Variants in POU2F2 observed in about 807,000 individuals in gnomAD.
POU2F2 encodes the protein POU class 2 homeobox 2, also known as POU domain, class 2, transcription factor 2.
In POU2F2, 14 loss-of-function variants were observed where a neutral mutation model predicts 63.5. The ratio of observed to expected loss-of-function variants is 0.22; its 90% CI spans 0.15 to 0.34. POU2F2 has a LOEUF of 0.34. POU2F2 is among the 10% of genes least tolerant of loss of function. POU2F2 has a pLI of 1.00. For synonymous variants in POU2F2, 306 were observed against 348.6 expected (o/e 0.88, Z 1.36); for missense variants, 607 against 815.2 (o/e 0.74, Z 3.11).
At chr19:42,136,665 CT>C (rs1466321024), upstream of POU2F2, 4 of 152,368 alleles carry the variant, frequency 2.6e-5, no homozygotes, top group East Asian at 7.7e-4. Context: ...GTCTGTCCCC[CT>C]GACAGCTTGA....
chr19:42,097,589 C>G (rs1458744182), intron 7 of POU2F2, among the ~76,000 whole-genome samples: 1 of 151,574 alleles, frequency 6.6e-6, no homozygotes. Context: ...GTGGGAGGAT[C>G]GCTTGAGCAC....
chr19:42,092,190 G>A lies in POU2F2; in HGVS notation c.1345C>T (p.Pro449Ser), dbSNP rs745709486. The change falls in exon 13 of 15, where the codon CCC becomes TCC. Residue 449 changes from proline to serine, a missense_variant. Pro to Ser is a moderately conservative substitution (Grantham distance 74). Coordinates refer to ENST00000692977, the MANE Select transcript of POU2F2 (RefSeq NM_001394376.1). This position sits in a 1 kb window ranked among gnomAD's most constrained non-coding sequence, Gnocchi z 5.0. ...ACAGAGGGGATGGAATTGAGGGGGG[G>A]CGCAGCCCCGCCCCCGCCCCCACCC... ...GGGGGGGGAA[P>S]PLNSIPSVTP... 1.3e-6 allele frequency: 2 copies of A among 1,536,008 alleles called. No individual in the cohort carries two copies. The highest frequency in any genetic ancestry group is 1.2e-5 in the South Asian group (1 of 82,568).
In POU2F2 at chr19:42,095,673, T is replaced by C; in HGVS notation, c.892A>G (p.Ser298Gly). 6.2e-7 allele frequency: 1 copy of C among 1,612,134 alleles called. No individual in the cohort carries two copies. The highest frequency in any genetic ancestry group is 8.5e-7 in the Non-Finnish European group (1 of 1,179,816). ...CTCAGCTGGTTGGGGCTGGGCAGGC[T>C]TGAGTCCACAGACATAGTCTCTGTG... is the stretch of plus-strand genomic sequence containing the variant. ...NDAETMSVDS[S>G]LPSPNQLSSP... The change falls in exon 10 of 15, where the codon AGC (serine) becomes GGC (glycine). Residue 298 changes from serine (S) to glycine (G), a missense_variant. Ser to Gly is a moderately conservative substitution (Grantham distance 56). Coordinates refer to ENST00000692977, the MANE Select transcript of POU2F2 (RefSeq NM_001394376.1). The surrounding 1 kb of genome is among the most constrained non-coding windows in gnomAD (Gnocchi z 7.1).
At chr19:42,189,706 G>A (rs754994951) in intron 1 of POU2F2, among the ~76,000 whole-genome samples, 11 of 152,142 alleles carry the variant, frequency 7.2e-5, no homozygotes, top group Non-Finnish European at 1.6e-4. Flanking sequence ...GAGGAAGGTA[G>A]AGGTTTTTTT....
chr19:42,165,477 G>T (rs1360692428), intron 1 of POU2F2, among the ~76,000 whole-genome samples: 1 of 152,208 alleles, frequency 6.6e-6, no homozygotes, highest in East Asian at 1.9e-4. Context: ...AGAAGCTGGG[G>T]ATCTGGGCTC....
chr19:42,116,825 T>G, intron 5 of POU2F2: 2 of 385,016 alleles, frequency 5.2e-6, no homozygotes, highest in Admixed American at 3.2e-5. Context: ...GGCTGTGAGG[T>G]CGAGGAGGAG....
intron 1 of POU2F2, among the ~76,000 whole-genome samples, chr19:42,186,914 T>C (rs2035018543): frequency 6.6e-6 from 1 of 152,240 alleles, no homozygotes; most frequent in South Asian, 2.1e-4. Context: ...CAAAGTTCTT[T>C]CTTGAACCTC....
chr19:42,092,330 C>T lies in POU2F2; in HGVS notation c.1265-60G>A, dbSNP rs2076754505. 7.5e-7 allele frequency: 1 copy of T among 1,326,744 alleles called. No homozygotes were observed. Among genetic ancestry groups the T allele is most frequent in the Non-Finnish European group, 1.1e-6 (1 of 943,252 alleles). The allele number at this position is 1,326,744 out of a possible 1,614,324, so 82.2% of individuals were successfully genotyped here. A position where few individuals can be genotyped will look rare whatever the true frequency, so the allele number is the denominator to read the frequency against. ...CTTCCACTCGTCCCCCACTGAGGAA[C>T]CTGGGGTCAGCTCCTACTTGTCCTC... On this transcript the variant is annotated intron_variant, in intron 12 of 14. Coordinates refer to ENST00000692977, the MANE Select transcript of POU2F2 (RefSeq NM_001394376.1). The surrounding 1 kb of genome is among the most constrained non-coding windows in gnomAD (Gnocchi z 5.0).
intron 1 of POU2F2, among the ~76,000 whole-genome samples, chr19:42,182,413 T>C (rs1025359095): frequency 1.5e-4 from 22 of 148,334 alleles, no homozygotes; most frequent in Non-Finnish European, 2.4e-4. Flanking sequence ...AAGAGGAAGC[T>C]AGGAGGAGGA....
chr19:42,108,667 C>T (rs1306913273), intron 5 of POU2F2, among the ~76,000 whole-genome samples: 2 of 152,102 alleles, frequency 1.3e-5, no homozygotes, highest in African/African-American at 2.4e-5. Context: ...TAGGGTAAGC[C>T]GGTAGGAGGC....
intron 1 of POU2F2, among the ~76,000 whole-genome samples, chr19:42,163,268 A>G (rs2034586715): frequency 6.6e-6 from 1 of 152,018 alleles, no homozygotes; most frequent in African/African-American, 2.4e-5. Context: ...TTCTGTGGCC[A>G]CCTGCTCCCT....
chr19:42,143,589 GAGA>G (rs1286536148), intron 2 of POU2F2, among the ~76,000 whole-genome samples: 2 of 152,172 alleles, frequency 1.3e-5, no homozygotes, highest in Non-Finnish European at 2.9e-5. Flanking sequence ...GGAGGCCACA[GAGA>G]AGGCCAGCAA....
Position 42,191,725 on chromosome 19 carries a change from C to T in POU2F2, c.-70+4658G>A, listed in dbSNP as rs559298824. Among the ~76,000 whole-genome samples the T allele has an allele frequency of 2.0e-5, 3 of 152,280 alleles. No individual in the cohort carries two copies. The East Asian group carries it at 5.8e-4, about 29-fold the overall frequency. On this transcript the variant is annotated intron_variant, in intron 1 of 5. Coordinates refer to the POU2F2 transcript ENST00000532176. ...TAGAGCTCTCTTTGAGTTGACGCCA[C>T]AGGTGTGATGGCAGTGAGGGGCTGT... is the stretch of plus-strand genomic sequence containing the variant.
chr19:42,158,341 A>C (rs926999724), intron 2 of POU2F2, among the ~76,000 whole-genome samples: 2 of 152,212 alleles, frequency 1.3e-5, no homozygotes, highest in Non-Finnish European at 2.9e-5. Flanking sequence ...AATCAAATTC[A>C]CTCCCAAAGT....
intron 2 of POU2F2, among the ~76,000 whole-genome samples, chr19:42,140,252 G>C (rs771969021): frequency 1.3e-5 from 2 of 151,910 alleles, no homozygotes; most frequent in Non-Finnish European, 2.9e-5. Flanking sequence ...GCCCACATGC[G>C]CACTTCCTGT....
chr19:42,152,841 G>C lies in POU2F2; in HGVS notation c.-9+7491C>G, dbSNP rs2034381386. The C allele has an allele frequency of 6.6e-6, 1 of 152,358 alleles. No homozygotes were observed. Among genetic ancestry groups the C allele is most frequent in the Non-Finnish European group, 1.5e-5 (1 of 68,130 alleles). 9.4% of individuals were successfully genotyped at this position (152,358 alleles called of 1,614,324 possible). A position where few individuals can be genotyped will look rare whatever the true frequency, so the allele number is the denominator to read the frequency against. ...CAATTGGGAGCAGCTCAGAAAGATG[G>C]GGCCCTTTGAAGGTGTGTGACGGAC... On this transcript the variant is annotated intron_variant, in intron 2 of 6. Transcript: ENST00000524801. This position sits in a 1 kb window ranked among gnomAD's most constrained non-coding sequence, Gnocchi z 4.1.
intron 1 of POU2F2, among the ~76,000 whole-genome samples, chr19:42,183,702 G>A (rs1463427853): frequency 2.0e-5 from 3 of 152,306 alleles, no homozygotes; most frequent in Non-Finnish European, 2.9e-5. Context: ...GGGCAGTGAC[G>A]GAAGGCTTCT....
At chr19:42,195,075 AAGGGAGGGAGGAAGGGAGGAAGGAAGGG>A (rs2035122776) in intron 1 of POU2F2, among the ~76,000 whole-genome samples, 7 of 3,318 alleles carry the variant, frequency 2.1e-3, no homozygotes, top group African/African-American at 4.2e-3. Context: ...GGGAGGAAGG[AAGGGAGGGAGGAAGGGAGGAAGGAAGGG>A]AGGGAGGGAG....
chr19:42,172,511 G>A (rs1211093938), intron 1 of POU2F2, among the ~76,000 whole-genome samples: 2 of 152,182 alleles, frequency 1.3e-5, no homozygotes, highest in Non-Finnish European at 2.9e-5. Context: ...ATGCGTCAGA[G>A]CTGGGAAAGC....
Sources: allele counts gnomAD v4.1 joint callset (sites outside exome capture counted in the v4.1 genomes callset), GRCh38; gene constraint gnomAD v4.1.1; non-coding constraint Gnocchi (gnomAD v3.1); transcripts MANE v1.5; gene names NCBI Gene and HGNC (gene_info 2026-07-23, HGNC 2026-07-21).